PDZRN3: variants seen among roughly 807,000 people sequenced by gnomAD.
PDZRN3 encodes E3 ubiquitin-protein ligase PDZRN3.
A neutral mutation model predicts 85.7 loss-of-function variants in PDZRN3; 38 were observed. The observed-to-expected ratio is 0.44, with a 90% CI of 0.34 to 0.58. The LOEUF (loss-of-function observed/expected upper bound fraction) is 0.58, where lower values mean the gene tolerates loss of function less well. Among genes scored for constraint, PDZRN3 ranks in the 20% least tolerant of loss-of-function variants. The pLI is 0.01. For missense variants in PDZRN3, 1,629 were observed against 1,506.4 expected (o/e 1.08, Z -1.35); for synonymous variants, 759 against 638.0 (o/e 1.19, Z -2.86).
At chr3:73,611,903 C>T (rs1702690261) in intron 1 of PDZRN3, among the ~76,000 whole-genome samples, 1 of 152,114 alleles carries the variant, frequency 6.6e-6, no homozygotes, top group Non-Finnish European at 1.5e-5. Flanking sequence ...ATAGAGGGTA[C>T]TTAAATAATT....
chr3:73,590,464 T>C (rs748043790), intron 3 of PDZRN3, among the ~76,000 whole-genome samples: 75 of 152,200 alleles, frequency 4.9e-4, no homozygotes, highest in Non-Finnish European at 9.1e-4. Flanking sequence ...CTCTCTCTAC[T>C]GGTTCACATA....
intron 3 of PDZRN3, among the ~76,000 whole-genome samples, chr3:73,440,168 C>T (rs1230420955): frequency 6.6e-6 from 1 of 152,088 alleles, no homozygotes; most frequent in Admixed American, 6.5e-5. Context: ...ACTGATGGCT[C>T]ACTGTTTCAC....
chr3:73,508,567 C>T (rs556041720), intron 3 of PDZRN3, among the ~76,000 whole-genome samples: 1 of 152,160 alleles, frequency 6.6e-6, no homozygotes, highest in Admixed American at 6.5e-5. Context: ...CACTAGGGGG[C>T]GATTTAGGAG....
chr3:73,514,640 G>C (rs756715270), intron 3 of PDZRN3, among the ~76,000 whole-genome samples: 1 of 152,200 alleles, frequency 6.6e-6, no homozygotes, highest in Admixed American at 6.5e-5. Flanking sequence ...CCTAGCCAAC[G>C]GTTGAGGGCT....
chr3:73,466,629 C>T (rs183883952), intron 3 of PDZRN3, among the ~76,000 whole-genome samples: 16 of 152,234 alleles, frequency 1.1e-4, no homozygotes, highest in African/African-American at 3.6e-4. Flanking sequence ...CAGGAACTAG[C>T]AACAATTCTG....
At chr3:73,546,788 G>C (rs1372161828) in intron 3 of PDZRN3, among the ~76,000 whole-genome samples, 2 of 152,244 alleles carry the variant, frequency 1.3e-5, no homozygotes, top group Non-Finnish European at 2.9e-5. Flanking sequence ...ATCAAATTCT[G>C]TATCCTGGAA....
chr3:73,408,930 G>C (rs1224992635), intron 3 of PDZRN3, among the ~76,000 whole-genome samples: 3 of 152,024 alleles, frequency 2.0e-5, no homozygotes, highest in Non-Finnish European at 4.4e-5. Context: ...TGTGATTATA[G>C]ACGGGATGCA....
chr3:73,575,863 A>G (rs1198514637), intron 3 of PDZRN3, among the ~76,000 whole-genome samples: 1 of 152,160 alleles, frequency 6.6e-6, no homozygotes, highest in Non-Finnish European at 1.5e-5. Context: ...CAATTTTTGC[A>G]TATTACCTAA....
At chr3:73,584,619 T>C (rs1702252896) in intron 3 of PDZRN3, among the ~76,000 whole-genome samples, 1 of 152,180 alleles carries the variant, frequency 6.6e-6, no homozygotes, top group Non-Finnish European at 1.5e-5. Flanking sequence ...GTAACAGTTA[T>C]TTTGATTCCT....
At chr3:73,512,087 C>T (rs887690891) in intron 3 of PDZRN3, among the ~76,000 whole-genome samples, 1 of 152,274 alleles carries the variant, frequency 6.6e-6, no homozygotes, top group African/African-American at 2.4e-5. Flanking sequence ...AGCATACACA[C>T]ACCTAGGTGT....
chr3:73,400,653 T>G (rs964242472), intron 5 of PDZRN3, among the ~76,000 whole-genome samples: 5 of 152,210 alleles, frequency 3.3e-5, no homozygotes, highest in African/African-American at 7.2e-5. Context: ...GATTCAAAGG[T>G]TGACAACAGG....
At chr3:73,444,969 C>A (rs1702719651) in intron 3 of PDZRN3, among the ~76,000 whole-genome samples, 1 of 152,112 alleles carries the variant, frequency 6.6e-6, no homozygotes, top group Non-Finnish European at 1.5e-5. Context: ...GAATGGCGGT[C>A]TTGAGGGCAA....
intron 3 of PDZRN3, among the ~76,000 whole-genome samples, chr3:73,434,306 T>C (rs746285070): frequency 1.3e-5 from 2 of 152,216 alleles, no homozygotes; most frequent in Non-Finnish European, 1.5e-5. Flanking sequence ...TTTCTGATGA[T>C]ATAAAATGTA....
chr3:73,428,232 T>A (rs952890425), intron 3 of PDZRN3, among the ~76,000 whole-genome samples: 4 of 152,122 alleles, frequency 2.6e-5, no homozygotes, highest in African/African-American at 7.2e-5. Flanking sequence ...GGTGAGCACC[T>A]CGGTTCTCAG....
chr3:73,482,431 T>G (rs896782684), intron 3 of PDZRN3, among the ~76,000 whole-genome samples: 1 of 152,204 alleles, frequency 6.6e-6, no homozygotes, highest in African/African-American at 2.4e-5. Context: ...CAACTTTAGA[T>G]AGACACAACC....
chr3:73,415,254 A>G (rs1314794173), intron 3 of PDZRN3, among the ~76,000 whole-genome samples: 2 of 152,116 alleles, frequency 1.3e-5, no homozygotes, highest in Admixed American at 1.3e-4. Flanking sequence ...GCAGGATTTA[A>G]GTGGGGAGGA....
chr3:73,384,173 G>A lies in PDZRN3; in HGVS notation c.2393C>T (p.Thr798Met), dbSNP rs151100692. The change falls in exon 10 of 10, where the codon ACG becomes ATG. Residue 798 changes from threonine (T) to methionine (M), a missense_variant. Coordinates refer to ENST00000263666, the MANE Select transcript of PDZRN3 (RefSeq NM_015009.3). ...CPSSEGAVGT[T>M]EAYGPASKNL... ...CTTGGAGGCTGGCCCGTAGGCTTCC[G>A]TGGTCCCCACAGCCCCTTCGCTGCT... 7.4e-6 allele frequency: 12 copies of A among 1,613,928 alleles called. No individual in the cohort carries two copies. Among genetic ancestry groups the A allele is most frequent in the African/African-American group, 6.7e-5 (5 of 74,932 alleles).
chr3:73,465,230 G>A (rs538337453), intron 3 of PDZRN3, among the ~76,000 whole-genome samples: 1 of 152,286 alleles, frequency 6.6e-6, no homozygotes, highest in Non-Finnish European at 1.5e-5. Context: ...GTACACAGCA[G>A]GTACTAAACA....
chr3:73,434,017 G>T, intron 3 of PDZRN3: 1 of 1,115,290 alleles, frequency 9.0e-7, no homozygotes, highest in Non-Finnish European at 1.1e-6. Context: ...CAATGCACAC[G>T]CTATATATAC....
Sources: gnomAD v4.1 joint callset for allele counts (sites outside exome capture counted in the v4.1 genomes callset) on GRCh38, gnomAD v4.1.1 for gene constraint, MANE v1.5 for transcripts, NCBI Gene and HGNC (gene_info 2026-07-23, HGNC 2026-07-21) for gene names.